PDZD2: variants seen among roughly 807,000 people sequenced by gnomAD.
PDZD2 encodes PDZ domain containing 2, also known as PDZ domain-containing protein 2.
In PDZD2, 90 loss-of-function variants were observed where a neutral mutation model predicts 220.7. The observed-to-expected ratio is 0.41, with a 90% CI of 0.34 to 0.49. The LOEUF (loss-of-function observed/expected upper bound fraction) is 0.49. Ranked by LOEUF, PDZD2 falls within the 20% of genes least tolerant of loss-of-function variation. The pLI is 0.28. For synonymous variants in PDZD2, 1,375 were observed against 1,450.5 expected, an observed-to-expected ratio of 0.95 and a Z score of 1.18; for missense variants, 3,174 against 3,608.5, an observed-to-expected ratio of 0.88 and a Z score of 3.08.
At chr5:31,701,592 C>G (rs1271929124) in intron 1 of PDZD2, among the ~76,000 whole-genome samples, 1 of 152,148 alleles carries the variant, frequency 6.6e-6, no homozygotes, top group Non-Finnish European at 1.5e-5. Flanking sequence ...AGCCTTCTTC[C>G]TGTCTTATTT....
rs34643771 is a variant in PDZD2, at chr5:31,684,563, G to GTT, written c.-361+45139_-361+45140dup. On this transcript the variant is annotated intron_variant, in intron 1 of 24. Transcript: ENST00000438447. Reference sequence around the variant, plus strand: ...CTCTGTCTACATAGTAGCTAGAGCAGTTTTTTTTTTTTTTAGATGTTAAAC... The same window carrying GTT: ...CTCTGTCTACATAGTAGCTAGAGCAGTTTTTTTTTTTTTTTTAGATGTTAAAC... Among the ~76,000 whole-genome samples the GTT allele has an allele frequency of 2.6e-3, 387 of 148,202 alleles. 1 individual carries two copies. The highest frequency in any genetic ancestry group is 6.9e-3 in the African/African-American group (279 of 40,318).
chr5:31,847,302 C>T, intron 2 of PDZD2: 1 of 326,548 alleles, frequency 3.1e-6, no homozygotes, highest in Non-Finnish European at 5.9e-6. Context: ...AGGAATAAGG[C>T]CTACTTTAAA....
chr5:32,021,119 C>T (rs1424535682), intron 6 of PDZD2, among the ~76,000 whole-genome samples: 1 of 150,604 alleles, frequency 6.6e-6, no homozygotes, highest in Admixed American at 6.6e-5. Flanking sequence ...CATGGTAGCA[C>T]ACAGCCTGAG....
At chr5:31,709,878 C>A (rs1184967612) in intron 1 of PDZD2, among the ~76,000 whole-genome samples, 7 of 152,154 alleles carry the variant, frequency 4.6e-5, no homozygotes, top group African/African-American at 1.7e-4. Flanking sequence ...ATCGCTTGAA[C>A]CTGGGAGGCA....
At position 31,698,534 on chromosome 5, in the gene PDZD2, G is replaced by C. The variant is rs180852362; in HGVS notation, c.-361+59097G>C. Reference sequence around the variant, plus strand: ...GAATGGCGGGAACCCAGGAGGTGGAGCTTGCAGTGAGCCGAGATTGTGCCA... The same window carrying C: ...GAATGGCGGGAACCCAGGAGGTGGACCTTGCAGTGAGCCGAGATTGTGCCA... On this transcript the variant is annotated intron_variant, in intron 1 of 24. Transcript: ENST00000438447. Among the ~76,000 whole-genome samples, 817 of 151,038 alleles carry C rather than the reference G, an allele frequency of 5.4e-3. 11 individuals are homozygous for C. Among genetic ancestry groups the C allele is most frequent in the African/African-American group, 0.019 (791 of 41,170 alleles).
chr5:31,761,700 A>G (rs1751663949), intron 1 of PDZD2, among the ~76,000 whole-genome samples: 1 of 152,034 alleles, frequency 6.6e-6, no homozygotes. Flanking sequence ...ATGTCTACTA[A>G]AAATACAAAA....
intron 1 of PDZD2, among the ~76,000 whole-genome samples, chr5:31,723,172 C>T (rs563931515): frequency 3.3e-5 from 5 of 152,308 alleles, no homozygotes; most frequent in African/African-American, 4.8e-5. Flanking sequence ...AAACACATTC[C>T]GCAAACAGTA....
Position 31,867,901 on chromosome 5 carries a change from G to T in PDZD2, c.476+68177G>T, listed in dbSNP as rs536301268. 8.0e-4 allele frequency among the ~76,000 whole-genome samples: 122 copies of T among 152,054 alleles called. 2 individuals carry two copies. Among genetic ancestry groups the T allele is most frequent in the African/African-American group, 2.8e-3 (115 of 41,490 alleles). ...AGCAGGTGTGGGGTGGGGCGGGGAG[G>T]GGCGGGGCAGAGCAGGGCAGGGGGA... On this transcript the variant is annotated intron_variant, in intron 2 of 24. Transcript: ENST00000438447.
At chr5:31,824,770 A>G (rs1251634558) in intron 2 of PDZD2, among the ~76,000 whole-genome samples, 1 of 152,230 alleles carries the variant, frequency 6.6e-6, no homozygotes, top group East Asian at 1.9e-4. Flanking sequence ...TAAAATGGGA[A>G]TAAAATGCGT....
chr5:32,021,043 A>G (rs948453099), intron 6 of PDZD2, among the ~76,000 whole-genome samples: 1 of 150,068 alleles, frequency 6.7e-6, no homozygotes, highest in African/African-American at 2.5e-5. Flanking sequence ...CTTCATGTGC[A>G]TTGAAGACTT....
At chr5:31,689,593 G>T (rs1345250016) in intron 1 of PDZD2, among the ~76,000 whole-genome samples, 1 of 151,744 alleles carries the variant, frequency 6.6e-6, no homozygotes, top group African/African-American at 2.4e-5. Context: ...ATTGGTGTTA[G>T]ATTTAGTCCC....
rs1037018187 is a variant in PDZD2 at position 31,880,791 on chromosome 5, C to CTT, written c.476+81093_476+81094dup. 1.6e-3 allele frequency among the ~76,000 whole-genome samples: 120 copies of CTT among 76,472 alleles called. 2 individuals carry two copies. Among genetic ancestry groups the CTT allele is most frequent in the Middle Eastern group, 7.8e-3 (1 of 128 alleles). The allele number at this position is 76,472 out of a possible 152,430, so 50.2% of individuals were successfully genotyped here. Reference sequence around the variant, plus strand: ...AGAAAGGTAGCTTTCTTTTTTTTTTCTTTTTTTTTTTTTTTTTTTTTTTTT... The same window carrying CTT: ...AGAAAGGTAGCTTTCTTTTTTTTTTCTTTTTTTTTTTTTTTTTTTTTTTTTTT... On this transcript the variant is annotated intron_variant, in intron 2 of 24. Coordinates refer to ENST00000438447, the MANE Select transcript of PDZD2 (RefSeq NM_178140.4).
intron 5 of PDZD2, among the ~76,000 whole-genome samples, chr5:32,003,452 C>G (rs1306938063): frequency 9.3e-6 from 1 of 107,296 alleles, no homozygotes; most frequent in Non-Finnish European, 1.9e-5. Context: ...ACACTCCCCC[C>G]AACACACACC....
chr5:31,694,711 G>A (rs933482490), intron 1 of PDZD2, among the ~76,000 whole-genome samples: 1 of 150,212 alleles, frequency 6.7e-6, no homozygotes, highest in Non-Finnish European at 1.5e-5. Context: ...ATACAGGCTG[G>A]GCCTTGGCCT....
At chr5:31,929,277 A>G (rs1387256216) in intron 2 of PDZD2, among the ~76,000 whole-genome samples, 3 of 152,242 alleles carry the variant, frequency 2.0e-5, no homozygotes, top group Non-Finnish European at 2.9e-5. Flanking sequence ...AGCCCATAGA[A>G]TGAAAGCAAT....
Position 32,088,651 on chromosome 5 carries a change from G to C in PDZD2, c.5203G>C (p.Glu1735Gln). ...CTCCCCCAACATGGTAAATGGCTTGGAACATGACCTGCTAGATGACGAAAC... is the reference window on the plus strand; with the variant it reads ...CTCCCCCAACATGGTAAATGGCTTGCAACATGACCTGCTAGATGACGAAAC... ...LSSPNMVNGLEHDLLDDETLN... is the reference protein window; with the variant it reads ...LSSPNMVNGLQHDLLDDETLN... The change falls in exon 20 of 25, where the codon GAA becomes CAA. Residue 1735 changes from glutamate to glutamine, a missense_variant. Physicochemically the swap from Glu to Gln is conservative, Grantham distance 29 (BLOSUM62 2). Transcript: ENST00000438447. This position sits in a 1 kb window ranked among gnomAD's most constrained non-coding sequence, Gnocchi z 4.6. 6.2e-7 allele frequency: 1 copy of C among 1,614,018 alleles called. No homozygotes were observed.
At chr5:32,042,918 G>A (rs761354357) in intron 7 of PDZD2, among the ~76,000 whole-genome samples, 1 of 152,140 alleles carries the variant, frequency 6.6e-6, no homozygotes, top group Non-Finnish European at 1.5e-5. Flanking sequence ...GGAAATACAG[G>A]GGCCTCTGAA....
At chr5:31,989,305 G>A (rs896972411) in intron 3 of PDZD2, among the ~76,000 whole-genome samples, 5 of 152,084 alleles carry the variant, frequency 3.3e-5, no homozygotes, top group African/African-American at 1.2e-4. Context: ...TTTGTGTCCT[G>A]AGTTATTTCA....
At chr5:31,711,329 G>A (rs1269225234) in intron 1 of PDZD2, among the ~76,000 whole-genome samples, 3 of 152,226 alleles carry the variant, frequency 2.0e-5, no homozygotes, top group Admixed American at 1.3e-4. Flanking sequence ...GAGCTACTGT[G>A]TGTATGTGTG....
Sources: allele counts gnomAD v4.1 joint callset (sites outside exome capture counted in the v4.1 genomes callset), GRCh38; gene constraint gnomAD v4.1.1; non-coding constraint Gnocchi (gnomAD v3.1); transcripts MANE v1.5; gene names NCBI Gene and HGNC (gene_info 2026-07-23, HGNC 2026-07-21).